The following GGA2 variants were observed in gnomAD, a reference collection of about 807,000 sequenced individuals.
GGA2 encodes golgi associated, gamma adaptin ear containing, ARF binding protein 2, also known as ADP-ribosylation factor-binding protein GGA2.
In GGA2, 48 loss-of-function variants were observed where a neutral mutation model predicts 79.5. The ratio of observed to expected loss-of-function variants is 0.60; its 90% confidence interval spans 0.48 to 0.77. The LOEUF is 0.77. GGA2 is among the 30% of genes least tolerant of loss of function. The pLI, the probability that GGA2 is intolerant of heterozygous loss-of-function variation, is 0.00. For synonymous variants in GGA2, 317 were observed against 302.0 expected (o/e 1.05, Z -0.51); for missense variants, 770 against 774.0 (o/e 0.99, Z 0.06).
intron 13 of GGA2, among the ~76,000 whole-genome samples, chr16:23,477,601 A>G (rs774983371): frequency 9.9e-5 from 15 of 151,726 alleles, no homozygotes; most frequent in Admixed American, 6.6e-5. Flanking sequence ...CAAAAAATTA[A>G]CCGGGTGTGG....
Position 23,491,714 on chromosome 16 carries a change from G to T in GGA2, c.438C>A (p.Ile146=). ...GCATCTGATAAGCGTCTCGAATCTT[G>T]ATGTCTTCCGGAAACCAGACTGTCC... ...FSWTVWFPED[I]KIRDAYQMLK... The change falls in exon 5 of 17, where the codon ATC becomes ATA. Residue 146 remains isoleucine (I), a synonymous_variant. Transcript: ENST00000309859. 6.2e-7 allele frequency: 1 copy of T among 1,612,600 alleles called. No homozygotes were observed. Among genetic ancestry groups the T allele is most frequent in the Admixed American group, 1.7e-5 (1 of 59,992 alleles).
chr16:23,499,013 A>G (rs1170808889), intron 1 of GGA2, among the ~76,000 whole-genome samples: 1 of 152,116 alleles, frequency 6.6e-6, no homozygotes, highest in East Asian at 1.9e-4. Context: ...GGAAGAGAAC[A>G]GGGGGAGGCA....
intron 8 of GGA2, 78 bp from the exon 9 acceptor site, chr16:23,483,082 G>A (rs903304657): frequency 6.2e-5 from 54 of 868,380 alleles, no homozygotes; most frequent in African/African-American, 4.8e-4. Context: ...AGGAGCCTTC[G>A]ATCAGGCAGA....
chr16:23,470,211 C>T, intron 14 of GGA2, 46 bp from the exon 15 acceptor site: 1 of 1,424,808 alleles, frequency 7.0e-7, no homozygotes, highest in Non-Finnish European at 9.5e-7. Flanking sequence ...ACTACAAACC[C>T]CCCGGACAGC....
rs768323973 is a variant in GGA2, at chr16:23,483,013, G to A, written c.799-9C>T. 2.5e-6 allele frequency: 4 copies of A among 1,599,296 alleles called. No individual in the cohort carries two copies. Among genetic ancestry groups the A allele is most frequent in the Admixed American group, 3.3e-5 (2 of 59,976 alleles). The stretch of plus-strand genomic sequence containing the variant: ...CACCTCTCATACACGACCTGAAAGA[G>A]CAGAGCTTGGTTCATGACACACGCC... On this transcript the variant is annotated splice_polypyrimidine_tract_variant and intron_variant, in intron 8 of 16. Transcript: ENST00000309859.
At position 23,486,049 on chromosome 16, in the gene GGA2, G is replaced by A; in HGVS notation, c.764C>T (p.Pro255Leu). ...LQEMLSMYRR[P>L]GQAPPDQEAL... ...CTCCTGGTCGGGCGGGGCCTGCCCT[G>A]GCCTGCGGTACATGCTCAGCATCTC... The change falls in exon 8 of 17, where the codon CCA (proline) becomes CTA (leucine). Residue 255 changes from proline (P) to leucine (L), a missense_variant. By Grantham distance (98) the Pro-to-Leu change is moderately conservative. Coordinates refer to ENST00000309859, the MANE Select transcript of GGA2 (RefSeq NM_015044.4). 2 of 1,614,128 alleles carry A rather than the reference G, an allele frequency of 1.2e-6. No homozygotes were observed. Among genetic ancestry groups the A allele is most frequent in the South Asian group, 2.2e-5 (2 of 91,088 alleles).
chr16:23,474,877 AAAG>A (rs1447610916), intron 14 of GGA2, 24 bp downstream of exon 14: 1 of 1,542,766 alleles, frequency 6.5e-7, no homozygotes, highest in Admixed American at 1.7e-5. Context: ...AAAAAAAAAA[AAAG>A]GTGGGGAGTG....
chr16:23,512,325 G>A (rs1426526666), upstream of GGA2, among the ~76,000 whole-genome samples: 4 of 152,162 alleles, frequency 2.6e-5, no homozygotes, highest in African/African-American at 4.8e-5. Context: ...TTGATCCCCC[G>A]TATGGCCTGC....
chr16:23,507,044 T>A (rs117001927), intron 1 of GGA2, among the ~76,000 whole-genome samples: 39 of 151,992 alleles, frequency 2.6e-4, no homozygotes, highest in Non-Finnish European at 3.8e-4. Context: ...CTTCTAATAA[T>A]CTCCTTTACT....
At chr16:23,477,412 T>C (rs903476817) in intron 13 of GGA2, among the ~76,000 whole-genome samples, 1 of 152,196 alleles carries the variant, frequency 6.6e-6, no homozygotes, top group African/African-American at 2.4e-5. Flanking sequence ...GAAACCCTTT[T>C]TCGTTTGGCT....
In GGA2 at chr16:23,465,359, G is replaced by C. The variant is rs1964422339; in HGVS notation, c.*2231C>G. 1.4e-6 allele frequency: 1 copy of C among 702,888 alleles called. No homozygotes were observed. Among genetic ancestry groups the C allele is most frequent in the Non-Finnish European group, 2.6e-6 (1 of 384,826 alleles). 43.5% of individuals were successfully genotyped at this position (702,888 alleles called of 1,614,324 possible). A position where few individuals can be genotyped will look rare whatever the true frequency, so the allele number is the denominator to read the frequency against. ...GCCACTGGACTTGCTGATTAGAAGG[G>C]AGTGATGCCATAAACCACAGCCACT... On this transcript the variant is annotated 3_prime_UTR_variant, in exon 17 of 17. Coordinates refer to ENST00000309859, the MANE Select transcript of GGA2 (RefSeq NM_015044.4).
At chr16:23,493,514 C>G (rs1187955883) in intron 3 of GGA2, 56 bp from the exon 4 acceptor site, 1 of 1,125,396 alleles carries the variant, frequency 8.9e-7, no homozygotes, top group African/African-American at 1.5e-5. Context: ...CCCAGGCTCC[C>G]CTCCAGGCTG....
At chr16:23,496,409 G>A (rs1567367641) in intron 1 of GGA2, among the ~76,000 whole-genome samples, 2 of 151,944 alleles carry the variant, frequency 1.3e-5, no homozygotes, top group Admixed American at 1.3e-4. Context: ...CACTCGAGTT[G>A]GGATGCCCCC....
chr16:23,480,803 G>C, intron 9 of GGA2, 33 bp from the exon 10 acceptor site: 1 of 1,590,116 alleles, frequency 6.3e-7, no homozygotes, highest in East Asian at 2.3e-5. Context: ...GAACCCCCTG[G>C]TTTGGCAACC....
chr16:23,490,399 A>G (rs924676602), intron 5 of GGA2, among the ~76,000 whole-genome samples: 3 of 152,242 alleles, frequency 2.0e-5, no homozygotes, highest in African/African-American at 7.2e-5. Flanking sequence ...CCAAAATATC[A>G]CATTGTACTC....
At position 23,521,173 on chromosome 16, in the gene GGA2, T is replaced by G. The variant is rs753477013; in HGVS notation, c.8+620A>C. On this transcript the variant is annotated intron_variant, in intron 1 of 5. Transcript: ENST00000569300. ...ATCTCAGTCATTTTTAAATATACAGTTCAGCGGCATTACGTATCTTTATAA... is the reference window on the plus strand; with the variant it reads ...ATCTCAGTCATTTTTAAATATACAGGTCAGCGGCATTACGTATCTTTATAA... Among the ~76,000 whole-genome samples the G allele has an allele frequency of 2.6e-5, 4 of 152,166 alleles. 1 individual carries two copies. Among genetic ancestry groups the G allele is most frequent in the Admixed American group, 2.0e-4 (3 of 15,250 alleles).
At chr16:23,496,605 G>T (rs912302089) in intron 1 of GGA2, among the ~76,000 whole-genome samples, 3 of 152,082 alleles carry the variant, frequency 2.0e-5, no homozygotes, top group Admixed American at 6.5e-5. Flanking sequence ...CATCGCTTGA[G>T]CCCAGGAGTT....
chr16:23,465,121 T>C lies in GGA2; in HGVS notation c.*2469A>G, dbSNP rs1964418939. 1 of 582,142 alleles carries C rather than the reference T, an allele frequency of 1.7e-6. No individual in the cohort carries two copies. Among genetic ancestry groups the C allele is most frequent in the Non-Finnish European group, 3.1e-6 (1 of 327,170 alleles). 36.1% of individuals were successfully genotyped at this position (582,142 alleles called of 1,614,324 possible). A position where few individuals can be genotyped will look rare whatever the true frequency, so the allele number is the denominator to read the frequency against. On this transcript the variant is annotated 3_prime_UTR_variant, in exon 17 of 17. Coordinates refer to ENST00000309859, the MANE Select transcript of GGA2 (RefSeq NM_015044.4). ...CAGAGGAAAAGAAGCTCCTTCAGGG[T>C]GGTGCCTGGCTCAGGGTAGCTGGTC...
At chr16:23,469,738 G>A (rs1283271643) in intron 15 of GGA2, among the ~76,000 whole-genome samples, 1 of 152,172 alleles carries the variant, frequency 6.6e-6, no homozygotes, top group Non-Finnish European at 1.5e-5. Flanking sequence ...TGGAGAAACT[G>A]TCAGAATGGT....
Sources: allele counts gnomAD v4.1 joint callset (sites outside exome capture counted in the v4.1 genomes callset), GRCh38; gene constraint gnomAD v4.1.1; transcripts MANE v1.5; gene names NCBI Gene and HGNC (gene_info 2026-07-23, HGNC 2026-07-21).